CTNNA2: variants seen among roughly 807,000 people sequenced by gnomAD.
CTNNA2 encodes the protein catenin alpha 2, also known as catenin alpha-2.
CTNNA2 carries 42 observed loss-of-function variants against 101.0 expected under a neutral mutation model. That is an observed-to-expected ratio of 0.42 (90% CI 0.32 to 0.54). The LOEUF (loss-of-function observed/expected upper bound fraction) is 0.54, where lower values mean the gene tolerates loss of function less well. Ranked by LOEUF, CTNNA2 falls within the 20% of genes least tolerant of loss-of-function variation. The pLI, the probability that CTNNA2 is intolerant of heterozygous loss-of-function variation, is 0.14. For missense variants in CTNNA2, 871 were observed against 1,223.1 expected, an observed-to-expected ratio of 0.71 and a Z score of 4.29; for synonymous variants, 450 against 456.4, an observed-to-expected ratio of 0.99 and a Z score of 0.18.
At chr2:79,224,353 A>C (rs1341423989) in intron 2 of CTNNA2, among the ~76,000 whole-genome samples, 1 of 152,148 alleles carries the variant, frequency 6.6e-6, no homozygotes, top group African/African-American at 2.4e-5. Context: ...TTATCTTGAC[A>C]TTTCAATCAT....
intron 18 of CTNNA2, among the ~76,000 whole-genome samples, chr2:80,643,418 G>A (rs1483413230): frequency 6.6e-6 from 1 of 152,158 alleles, no homozygotes; most frequent in Admixed American, 6.6e-5. Context: ...GAAACTCAGG[G>A]AACTAGTTCA....
At chr2:79,274,441 T>C (rs1418601721) in intron 2 of CTNNA2, among the ~76,000 whole-genome samples, 1 of 152,060 alleles carries the variant, frequency 6.6e-6, no homozygotes, top group Non-Finnish European at 1.5e-5. Flanking sequence ...TACTAAAACA[T>C]CTTTAGCTTA....
At chr2:79,568,964 G>A (rs1675295965) in intron 1 of CTNNA2, among the ~76,000 whole-genome samples, 1 of 151,146 alleles carries the variant, frequency 6.6e-6, no homozygotes, top group Admixed American at 6.6e-5. Context: ...AGCCCAGGAA[G>A]TAAAGGTTGC....
At chr2:79,190,663 T>C (rs998408016) in intron 1 of CTNNA2, among the ~76,000 whole-genome samples, 1 of 152,054 alleles carries the variant, frequency 6.6e-6, no homozygotes, top group African/African-American at 2.4e-5. Flanking sequence ...CCACCAACCA[T>C]GTACCAAAGT....
At chr2:80,221,026 C>T (rs571985733) in intron 7 of CTNNA2, among the ~76,000 whole-genome samples, 26 of 152,240 alleles carry the variant, frequency 1.7e-4, no homozygotes, top group Admixed American at 3.3e-4. Flanking sequence ...GGATTACAGG[C>T]ACCCGCCAAG....
intron 6 of CTNNA2, among the ~76,000 whole-genome samples, chr2:79,882,854 C>T (rs577284965): frequency 2.1e-4 from 32 of 152,302 alleles, no homozygotes; most frequent in African/African-American, 6.3e-4. Context: ...TGGCGTCTTC[C>T]GATCCGTGGG....
intron 6 of CTNNA2, among the ~76,000 whole-genome samples, chr2:79,907,909 C>T (rs1685535210): frequency 1.3e-5 from 2 of 152,192 alleles, no homozygotes; most frequent in South Asian, 4.1e-4. Flanking sequence ...TACCTACACT[C>T]ATTCCTTAAG....
chr2:79,245,960 C>T (rs958970545), intron 2 of CTNNA2, among the ~76,000 whole-genome samples: 5 of 152,190 alleles, frequency 3.3e-5, no homozygotes, highest in African/African-American at 1.2e-4. Flanking sequence ...CCAAACCCAG[C>T]CTGCTTCTTC....
intron 9 of CTNNA2, among the ~76,000 whole-genome samples, chr2:80,510,939 G>A (rs1008214266): frequency 6.7e-6 from 1 of 148,574 alleles, no homozygotes; most frequent in African/African-American, 2.5e-5. Context: ...TCTGCTCTTT[G>A]TTATTTATCT....
At chr2:79,665,565 G>C (rs1410683337) in intron 2 of CTNNA2, among the ~76,000 whole-genome samples, 1 of 152,132 alleles carries the variant, frequency 6.6e-6, no homozygotes, top group Admixed American at 6.5e-5. Flanking sequence ...CTTCACTAAG[G>C]CAAGACACCA....
chr2:79,872,129 G>A (rs79374819), intron 5 of CTNNA2, among the ~76,000 whole-genome samples: 4,361 of 152,058 alleles, frequency 0.029, 159 homozygotes, highest in East Asian at 0.18. Flanking sequence ...ACAAATATGC[G>A]TATTGTGTTC....
At chr2:80,137,130 C>A (rs913347977) in intron 7 of CTNNA2, among the ~76,000 whole-genome samples, 1 of 152,050 alleles carries the variant, frequency 6.6e-6, no homozygotes, top group African/African-American at 2.4e-5. Flanking sequence ...CTGAGGGAGA[C>A]CACACAGCAC....
chr2:80,438,567 A>T (rs1179914978), intron 9 of CTNNA2, among the ~76,000 whole-genome samples: 1 of 152,162 alleles, frequency 6.6e-6, no homozygotes, highest in African/African-American at 2.4e-5. Flanking sequence ...GGTCTAGGTC[A>T]TCACTAATTA....
chr2:79,673,875 C>G (rs886955779), intron 2 of CTNNA2, among the ~76,000 whole-genome samples: 7 of 152,154 alleles, frequency 4.6e-5, no homozygotes, highest in Non-Finnish European at 1.0e-4. Context: ...AATCTTTGTG[C>G]TCATGTTTTC....
chr2:79,548,572 T>G (rs1172867359), intron 1 of CTNNA2, among the ~76,000 whole-genome samples: 2 of 152,212 alleles, frequency 1.3e-5, no homozygotes, highest in African/African-American at 4.8e-5. Flanking sequence ...CACATCTGTT[T>G]GGGAAGCTGA....
At chr2:80,204,526 A>G (rs1707410218) in intron 7 of CTNNA2, among the ~76,000 whole-genome samples, 1 of 152,148 alleles carries the variant, frequency 6.6e-6, no homozygotes, top group East Asian at 1.9e-4. Context: ...TCCAGTTCCC[A>G]ATAAGTTCCT....
intron 6 of CTNNA2, among the ~76,000 whole-genome samples, chr2:79,904,082 C>T (rs1156502890): frequency 6.7e-6 from 1 of 149,576 alleles, no homozygotes; most frequent in Non-Finnish European, 1.5e-5. Context: ...CCCCTTCCTG[C>T]TCCTAACTTT....
At chr2:80,442,838 T>A (rs1682715245) in intron 9 of CTNNA2, among the ~76,000 whole-genome samples, 1 of 152,168 alleles carries the variant, frequency 6.6e-6, no homozygotes, top group African/African-American at 2.4e-5. Context: ...ATCCTCGTCT[T>A]CTTTTCTCTT....
chr2:80,019,647 G>A (rs562561790), intron 7 of CTNNA2, among the ~76,000 whole-genome samples: 4 of 152,036 alleles, frequency 2.6e-5, no homozygotes, highest in African/African-American at 4.8e-5. Flanking sequence ...TGTGACTGAC[G>A]GATTGCCATC....
Sources: gnomAD v4.1 joint callset for allele counts (sites outside exome capture counted in the v4.1 genomes callset) on GRCh38, gnomAD v4.1.1 for gene constraint, MANE v1.5 for transcripts, NCBI Gene and HGNC (gene_info 2026-07-23, HGNC 2026-07-21) for gene names.